The following CSMD3 variants were observed in gnomAD, a reference collection of about 807,000 sequenced individuals.
CSMD3 encodes the protein CUB and Sushi multiple domains 3, also known as CUB and sushi domain-containing protein 3.
CSMD3 carries 177 observed loss-of-function variants against 435.2 expected under a neutral mutation model. The observed-to-expected ratio is 0.41, with a 90% CI of 0.36 to 0.46. The LOEUF is 0.46. Ranked by LOEUF, CSMD3 falls within the 20% of genes least tolerant of loss-of-function variation. The pLI is 0.34. For missense variants in CSMD3, 4,265 were observed against 4,504.6 expected (o/e 0.95, Z 1.52); for synonymous variants, 1,656 against 1,520.5 (o/e 1.09, Z -2.07).
At chr8:113,045,905 GTA>G (rs1382444216) in intron 5 of CSMD3, among the ~76,000 whole-genome samples, 1 of 149,108 alleles carries the variant, frequency 6.7e-6, no homozygotes, top group African/African-American at 2.4e-5. Flanking sequence ...AAGACAAGTT[GTA>G]TATATTTTTT....
intron 13 of CSMD3, among the ~76,000 whole-genome samples, chr8:112,740,216 C>T (rs896388339): frequency 2.6e-5 from 4 of 151,642 alleles, no homozygotes; most frequent in Non-Finnish European, 4.4e-5. Context: ...TATTTATTTC[C>T]GTCAATATAT....
intron 38 of CSMD3, among the ~76,000 whole-genome samples, chr8:112,374,609 G>A (rs1828766527): frequency 6.6e-6 from 1 of 152,090 alleles, no homozygotes; most frequent in Non-Finnish European, 1.5e-5. Context: ...AAGGCTTTTT[G>A]TAGTGCTGGT....
At chr8:113,373,574 G>A (rs1284353598) in intron 1 of CSMD3, among the ~76,000 whole-genome samples, 3 of 151,790 alleles carry the variant, frequency 2.0e-5, no homozygotes, top group Admixed American at 1.3e-4. Context: ...ATTTACATAT[G>A]AAATAAAGAT....
At chr8:113,435,422 AT>A (rs1037530038) in intron 1 of CSMD3, among the ~76,000 whole-genome samples, 1 of 152,092 alleles carries the variant, frequency 6.6e-6, no homozygotes, top group African/African-American at 2.4e-5. Context: ...ATGAATTATC[AT>A]TTCCACTGAA....
intron 10 of CSMD3, among the ~76,000 whole-genome samples, chr8:112,919,060 G>T (rs1002912271): frequency 1.1e-4 from 17 of 151,796 alleles, no homozygotes; most frequent in African/African-American, 3.9e-4. Context: ...GCAACAAAAT[G>T]GACTTTGTAA....
intron 13 of CSMD3, among the ~76,000 whole-genome samples, chr8:112,772,190 A>G (rs913926922): frequency 1.3e-5 from 2 of 152,076 alleles, no homozygotes; most frequent in African/African-American, 4.8e-5. Flanking sequence ...GAAAAGAAAG[A>G]GAGATCAGAT....
intron 4 of CSMD3, among the ~76,000 whole-genome samples, chr8:113,124,826 A>G (rs915845929): frequency 6.6e-6 from 1 of 151,968 alleles, no homozygotes; most frequent in Non-Finnish European, 1.5e-5. Flanking sequence ...CTCCTGCATT[A>G]TTGCTCTTAT....
Position 112,809,121 on chromosome 8 carries a change from A to G in CSMD3, c.1860-8847T>C, listed in dbSNP as rs1373679654. Among the ~76,000 whole-genome samples, 14 of 152,156 alleles carry G rather than the reference A, an allele frequency of 9.2e-5. 1 individual carries two copies. On this transcript the variant is annotated intron_variant, in intron 12 of 70. Coordinates refer to ENST00000297405, the MANE Select transcript of CSMD3 (RefSeq NM_198123.2). ...GACCTATGAAATTCAGTCAGAAACC[A>G]TGTCCTGTGCCCAATTTAACTGAAT...
At chr8:113,379,128 A>G (rs1173412867) in intron 1 of CSMD3, among the ~76,000 whole-genome samples, 1 of 152,144 alleles carries the variant, frequency 6.6e-6, no homozygotes, top group Non-Finnish European at 1.5e-5. Flanking sequence ...GGGGTCTTTT[A>G]TTTTCTACAG....
intron 45 of CSMD3, among the ~76,000 whole-genome samples, chr8:112,329,739 C>T (rs187647558): frequency 3.9e-5 from 6 of 152,208 alleles, no homozygotes; most frequent in African/African-American, 1.2e-4. Flanking sequence ...ACCTTATCAA[C>T]TGGGCATATA....
chr8:113,095,898 C>A (rs183308909), intron 5 of CSMD3, among the ~76,000 whole-genome samples: 1 of 152,142 alleles, frequency 6.6e-6, no homozygotes, highest in East Asian at 1.9e-4. Flanking sequence ...TTCCTGAAGA[C>A]CCTAAGGGAT....
intron 4 of CSMD3, among the ~76,000 whole-genome samples, chr8:113,135,190 T>C (rs1201934520): frequency 6.6e-6 from 1 of 151,982 alleles, no homozygotes; most frequent in Admixed American, 6.6e-5. Flanking sequence ...TATTAGGCTG[T>C]AGATTATAAT....
intron 4 of CSMD3, among the ~76,000 whole-genome samples, chr8:113,104,291 T>A (rs975191729): frequency 2.0e-5 from 3 of 152,126 alleles, no homozygotes; most frequent in African/African-American, 4.8e-5. Context: ...TTTTCTACAA[T>A]TCTCCTTTGC....
chr8:112,590,025 G>A (rs890650175), intron 22 of CSMD3, among the ~76,000 whole-genome samples: 8 of 152,074 alleles, frequency 5.3e-5, no homozygotes, highest in Non-Finnish European at 1.2e-4. Context: ...AAAGCTACAA[G>A]GTCACTGTAA....
At chr8:112,819,445 G>A (rs117472424) in intron 12 of CSMD3, among the ~76,000 whole-genome samples, 4,625 of 152,224 alleles carry the variant, frequency 0.03, 98 homozygotes, top group Non-Finnish European at 0.044. Flanking sequence ...CAGCTTCTTT[G>A]GTGATTATAA....
At chr8:112,857,860 T>A (rs1357450845) in intron 11 of CSMD3, among the ~76,000 whole-genome samples, 1 of 151,550 alleles carries the variant, frequency 6.6e-6, no homozygotes, top group African/African-American at 2.4e-5. Flanking sequence ...CAACAACCAA[T>A]AATTTGCACA....
At chr8:112,911,303 AT>A (rs1334642744) in intron 10 of CSMD3, among the ~76,000 whole-genome samples, 2 of 151,928 alleles carry the variant, frequency 1.3e-5, no homozygotes, top group South Asian at 2.1e-4. Flanking sequence ...CAAATAAAAA[AT>A]GTATATATGA....
chr8:113,280,916 A>G (rs576018149), intron 2 of CSMD3, among the ~76,000 whole-genome samples: 7 of 152,024 alleles, frequency 4.6e-5, no homozygotes, highest in African/African-American at 1.7e-4. Context: ...TTTTGACCCA[A>G]TGCTCATTCA....
chr8:112,650,666 A>G (rs2075102088), intron 18 of CSMD3, among the ~76,000 whole-genome samples: 1 of 152,152 alleles, frequency 6.6e-6, no homozygotes, highest in African/African-American at 2.4e-5. Context: ...ACATTTCTTG[A>G]ACTTATTATA....
Sources: allele counts gnomAD v4.1 joint callset (sites outside exome capture counted in the v4.1 genomes callset), GRCh38; gene constraint gnomAD v4.1.1; transcripts MANE v1.5; gene names NCBI Gene and HGNC (gene_info 2026-07-23, HGNC 2026-07-21).